ROR1: variants seen among roughly 807,000 people sequenced by gnomAD.
ROR1 encodes inactive tyrosine-protein kinase transmembrane receptor ROR1.
A neutral mutation model predicts 78.8 loss-of-function variants in ROR1; 19 were observed. The ratio of observed to expected loss-of-function variants is 0.24; its 90% confidence interval spans 0.17 to 0.35. The LOEUF (loss-of-function observed/expected upper bound fraction) is 0.35. ROR1 is among the 10% of genes least tolerant of loss of function. ROR1 has a pLI of 1.00. For synonymous variants in ROR1, 386 were observed against 433.6 expected, an observed-to-expected ratio of 0.89 and a Z score of 1.36; for missense variants, 917 against 1,177.8, an observed-to-expected ratio of 0.78 and a Z score of 3.24.
At chr1:64,106,263 CTA>C (rs1310368906) in intron 4 of ROR1, 1 of 152,106 alleles carries the variant, frequency 6.6e-6, no homozygotes, top group African/African-American at 2.4e-5. Flanking sequence ...CCCTGCTTGT[CTA>C]TTGTTGGTGT....
intron 1 of ROR1, among the ~76,000 whole-genome samples, chr1:63,964,455 C>T (rs1237418439): frequency 6.6e-6 from 1 of 152,156 alleles, no homozygotes; most frequent in Non-Finnish European, 1.5e-5. Context: ...ATTCAACTTA[C>T]CCATTCCACC....
intron 7 of ROR1, among the ~76,000 whole-genome samples, chr1:64,158,204 C>T (rs1253084654): frequency 6.6e-6 from 1 of 152,152 alleles, no homozygotes; most frequent in Non-Finnish European, 1.5e-5. Context: ...AAATATACTT[C>T]AAAGTGTTAG....
At chr1:64,033,367 G>A (rs900444083) in intron 2 of ROR1, among the ~76,000 whole-genome samples, 9 of 152,136 alleles carry the variant, frequency 5.9e-5, no homozygotes, top group African/African-American at 1.9e-4. Flanking sequence ...TTATTTCACA[G>A]ATGAGTAAAC....
intron 1 of ROR1, among the ~76,000 whole-genome samples, chr1:63,834,416 G>GT (rs5774666): frequency 0.15 from 22,236 of 152,080 alleles, 1,717 homozygotes; most frequent in Middle Eastern, 0.22. Context: ...AACAGAAGAT[G>GT]TTCAAACATA....
intron 2 of ROR1, among the ~76,000 whole-genome samples, chr1:64,035,418 C>A (rs1022606449): frequency 6.6e-6 from 1 of 152,150 alleles, no homozygotes; most frequent in Non-Finnish European, 1.5e-5. Context: ...GGCTGCCTAC[C>A]TCATAATAGC....
chr1:63,974,628 C>A (rs1348345625), intron 1 of ROR1, among the ~76,000 whole-genome samples: 1 of 151,728 alleles, frequency 6.6e-6, no homozygotes, highest in Non-Finnish European at 1.5e-5. Context: ...GAAATGTAAA[C>A]CCTTTTTTTT....
chr1:63,930,466 A>G (rs1210322707), intron 1 of ROR1, among the ~76,000 whole-genome samples: 1 of 152,212 alleles, frequency 6.6e-6, no homozygotes, highest in African/African-American at 2.4e-5. Context: ...GAGCCCCATG[A>G]ACCATCCTTG....
At chr1:63,997,721 G>T (rs542526136) in intron 1 of ROR1, among the ~76,000 whole-genome samples, 2 of 152,054 alleles carry the variant, frequency 1.3e-5, no homozygotes, top group Middle Eastern at 3.4e-3. Flanking sequence ...AGAGACAGGG[G>T]TCGAAAAATC....
chr1:63,823,327 C>T (rs897835092), intron 1 of ROR1, among the ~76,000 whole-genome samples: 2 of 152,046 alleles, frequency 1.3e-5, no homozygotes, highest in Non-Finnish European at 2.9e-5. Flanking sequence ...ACCCATCCAT[C>T]CATCGATTTA....
In ROR1 at chr1:64,121,059, C is replaced by CT. The variant is rs200292093; in HGVS notation, c.483-16271dup. Among the ~76,000 whole-genome samples, 283 of 81,990 alleles carry CT rather than the reference C, an allele frequency of 3.5e-3. 26 individuals carry two copies. Among genetic ancestry groups the CT allele is most frequent in the African/African-American group, 6.1e-3 (94 of 15,524 alleles). 53.8% of individuals were successfully genotyped at this position (81,990 alleles called of 152,430 possible). A position where few individuals can be genotyped will look rare whatever the true frequency, so the allele number is the denominator to read the frequency against. On this transcript the variant is annotated intron_variant, in intron 4 of 8. Transcript: ENST00000371079. The stretch of plus-strand genomic sequence containing the variant: ...CCACACTCCAGTCAGGGAGATACCC[C>CT]TTTTTTTTTTTTTTTTTTTTTTTTT...
chr1:64,027,730 C>T (rs1034606081), intron 2 of ROR1, among the ~76,000 whole-genome samples: 34 of 151,722 alleles, frequency 2.2e-4, no homozygotes, highest in African/African-American at 8.0e-4. Context: ...ACTCTGTTGC[C>T]AGGCTGGAAT....
chr1:64,036,780 C>T (rs1170292673), intron 2 of ROR1, among the ~76,000 whole-genome samples: 1 of 152,242 alleles, frequency 6.6e-6, no homozygotes, highest in African/African-American at 2.4e-5. Context: ...TATTATTATT[C>T]TCTCTCCTGG....
At chr1:63,952,787 G>A (rs575901241) in intron 1 of ROR1, among the ~76,000 whole-genome samples, 2 of 152,244 alleles carry the variant, frequency 1.3e-5, no homozygotes, top group East Asian at 3.9e-4. Flanking sequence ...TCAGGTGGAG[G>A]GTAGGGGTGA....
intron 1 of ROR1, among the ~76,000 whole-genome samples, chr1:63,931,397 A>C (rs1299349438): frequency 6.6e-6 from 1 of 152,186 alleles, no homozygotes; most frequent in Admixed American, 6.5e-5. Context: ...AATGGGTTCG[A>C]ATCCCAGCTT....
intron 1 of ROR1, among the ~76,000 whole-genome samples, chr1:63,850,255 A>AT (rs1222064641): frequency 1.3e-5 from 2 of 152,184 alleles, no homozygotes; most frequent in African/African-American, 4.8e-5. Context: ...TAAGTATGCT[A>AT]TTGTATGACC....
At chr1:64,153,591 G>A (rs1051209780) in intron 7 of ROR1, among the ~76,000 whole-genome samples, 2 of 152,162 alleles carry the variant, frequency 1.3e-5, no homozygotes, top group East Asian at 1.9e-4. Flanking sequence ...AGGAAATCCT[G>A]TCACATGGTA....
At chr1:64,143,194 CT>C (rs768419987) in intron 7 of ROR1, 48 of 989,660 alleles carry the variant, frequency 4.9e-5, no homozygotes, top group Non-Finnish European at 5.6e-5. Context: ...AGTCAGTTAA[CT>C]GTTCCTTTTT....
intron 4 of ROR1, among the ~76,000 whole-genome samples, chr1:64,078,499 A>G (rs998913759): frequency 5.3e-5 from 8 of 152,154 alleles, no homozygotes; most frequent in Admixed American, 1.3e-4. Context: ...ACTCGGTAGG[A>G]TAGTGCTTCA....
At chr1:64,109,522 A>G (rs1647986919) in intron 4 of ROR1, among the ~76,000 whole-genome samples, 1 of 152,094 alleles carries the variant, frequency 6.6e-6, no homozygotes, top group South Asian at 2.1e-4. Flanking sequence ...GCACTTTCAC[A>G]CATAGAATCT....
Sources: allele counts gnomAD v4.1 joint callset (sites outside exome capture counted in the v4.1 genomes callset), GRCh38; gene constraint gnomAD v4.1.1; transcripts MANE v1.5; gene names NCBI Gene and HGNC (gene_info 2026-07-23, HGNC 2026-07-21).